Variants in KXD1 observed in about 807,000 individuals in gnomAD.
KXD1 encodes kxDL motif-containing protein 1.
KXD1 carries 5 observed loss-of-function variants against 12.1 expected under a neutral mutation model. The observed-to-expected ratio is 0.41, with a 90% CI of 0.22 to 0.87. The LOEUF (loss-of-function observed/expected upper bound fraction) is 0.87. KXD1 is among the 40% of genes least tolerant of loss of function. KXD1 has a pLI of 0.31. For missense variants in KXD1, 193 were observed against 244.9 expected, an observed-to-expected ratio of 0.79 and a Z score of 1.41; for synonymous variants, 98 against 100.5, an observed-to-expected ratio of 0.98 and a Z score of 0.15.
chr19:18,560,000 CCCTCCCTTCCTT>C (rs1265387780), intron 1 of KXD1: 1 of 130,106 alleles, frequency 7.7e-6, no homozygotes, highest in Non-Finnish European at 1.7e-5. Context: ...TTCCCTCCCT[CCCTCCCTTCCTT>C]CCTTCTTTTC....
At position 18,568,657 on chromosome 19, in the gene KXD1, G is replaced by C; in HGVS notation, c.*26G>C. ...CCCTGCTGCCCGGTGCCTTGAGGGG[G>C]TCTCAGGGCAGCAGCATACAAGGTG... On this transcript the variant is annotated 3_prime_UTR_variant, in exon 5 of 5. Coordinates refer to ENST00000222307, the MANE Select transcript of KXD1 (RefSeq NM_024069.4). The C allele has an allele frequency of 6.4e-7, 1 of 1,556,290 alleles. No homozygotes were observed. The highest frequency in any genetic ancestry group is 8.8e-7 in the Non-Finnish European group (1 of 1,138,330).
At chr19:18,565,233 T>TG (rs1975153175) in intron 3 of KXD1, 1 of 1,228,180 alleles carries the variant, frequency 8.1e-7, no homozygotes, top group African/African-American at 1.5e-5. Flanking sequence ...AGACAGAGTT[T>TG]TTTTTTTTTT....
chr19:18,569,049 C>T lies in KXD1; in HGVS notation c.*418C>T. 4.7e-6 allele frequency: 1 copy of T among 214,286 alleles called. No homozygotes were observed. Among genetic ancestry groups the T allele is most frequent in the South Asian group, 8.0e-5 (1 of 12,516 alleles). 13.3% of individuals were successfully genotyped at this position (214,286 alleles called of 1,614,324 possible). A position where few individuals can be genotyped will look rare whatever the true frequency, so the allele number is the denominator to read the frequency against. On this transcript the variant is annotated 3_prime_UTR_variant, in exon 5 of 5. Coordinates refer to ENST00000222307, the MANE Select transcript of KXD1 (RefSeq NM_024069.4). ...CGGTCTCCTCTGAGTTCACCCCAGC[C>T]CACCCCCGCACCCACTAATTCTGCT...
intron 3 of KXD1, 50 bp downstream of exon 3, chr19:18,565,071 C>T (rs1223165235): frequency 3.2e-6 from 5 of 1,586,672 alleles, no homozygotes; most frequent in Non-Finnish European, 4.3e-6. Flanking sequence ...CTCCACCTCC[C>T]CATCTGAGCC....
chr19:18,565,195 G>A (rs947530413), intron 3 of KXD1, 174 bp downstream of exon 3: 4 of 1,345,616 alleles, frequency 3.0e-6, no homozygotes, highest in Admixed American at 6.0e-5. Flanking sequence ...CTTGACGTAA[G>A]TTTATTTACT....
chr19:18,567,521 C>G (rs1975310215), intron 4 of KXD1, among the ~76,000 whole-genome samples: 3 of 152,208 alleles, frequency 2.0e-5, no homozygotes, highest in African/African-American at 7.2e-5. Flanking sequence ...CTTCCCTGAG[C>G]CCCAGCTTCG....
rs144861869 is a variant in KXD1 at position 18,565,326 on chromosome 19, C to T, written c.254+305C>T. On this transcript the variant is annotated intron_variant, in intron 3 of 4. Coordinates refer to ENST00000222307, the MANE Select transcript of KXD1 (RefSeq NM_024069.4). Reference sequence around the variant, plus strand: ...CTCACTGCAAGCTCCGCTTCCCGGGCTCACGCCATTCTCCTGCCTCAGTCT... The same window carrying T: ...CTCACTGCAAGCTCCGCTTCCCGGGTTCACGCCATTCTCCTGCCTCAGTCT... 1,710 of 521,940 alleles carry T rather than the reference C, an allele frequency of 3.3e-3. 24 individuals carry two copies. Among genetic ancestry groups the T allele is most frequent in the African/African-American group, 0.031 (1,564 of 49,724 alleles). The allele number at this position is 521,940 out of a possible 1,614,324, so 32.3% of individuals were successfully genotyped here.
chr19:18,567,074 C>T (rs1233723684), intron 3 of KXD1, 58 bp from the exon 4 acceptor site: 1 of 1,560,590 alleles, frequency 6.4e-7, no homozygotes, highest in African/African-American at 1.4e-5. Context: ...GTGGCCAGCA[C>T]CAGGCCCAGC....
At chr19:18,566,455 C>CAAAA (rs564291660) in intron 3 of KXD1, among the ~76,000 whole-genome samples, 1 of 116,650 alleles carries the variant, frequency 8.6e-6, no homozygotes, top group Admixed American at 8.8e-5. Context: ...GACTCCGTCT[C>CAAAA]AAAAAAAAAA....
rs1445370091 is a variant in KXD1 at position 18,560,713 on chromosome 19, TC to T, written c.-21-1322del. Among the ~76,000 whole-genome samples the T allele has an allele frequency of 5.2e-3, 474 of 90,670 alleles. 3 individuals are homozygous for T. Among genetic ancestry groups the T allele is most frequent in the African/African-American group, 0.024 (455 of 19,090 alleles). 59.5% of individuals were successfully genotyped at this position (90,670 alleles called of 152,430 possible). ...TGGTGACAGACACACCTCTACTCCT[TC>T]TTTTTTTTTTTTGAGACGGAGTCTC... On this transcript the variant is annotated intron_variant, in intron 1 of 4. Transcript: ENST00000222307.
chr19:18,561,796 T>G, intron 1 of KXD1: 1 of 316,278 alleles, frequency 3.2e-6, no homozygotes, highest in Non-Finnish European at 5.9e-6. Context: ...GGTGATGGGA[T>G]TCTAATGTGC....
chr19:18,568,336 C>A, intron 4 of KXD1, 66 bp from the exon 5 acceptor site: 1 of 1,210,084 alleles, frequency 8.3e-7, no homozygotes, highest in Non-Finnish European at 1.2e-6. Flanking sequence ...GTCACATGGA[C>A]AATAAGTCCT....
intron 3 of KXD1, among the ~76,000 whole-genome samples, chr19:18,566,362 G>A (rs2145250790): frequency 6.7e-6 from 1 of 150,372 alleles, no homozygotes; most frequent in South Asian, 2.1e-4. Flanking sequence ...CAGCTACTCG[G>A]GAGGCTGAGG....
chr19:18,566,518 C>T (rs960495751), intron 3 of KXD1, among the ~76,000 whole-genome samples: 1 of 150,280 alleles, frequency 6.7e-6, no homozygotes, highest in African/African-American at 2.4e-5. Flanking sequence ...TGGCTGGGCA[C>T]AGTGGCTCAT....
chr19:18,565,621 C>G (rs572228461), intron 3 of KXD1, among the ~76,000 whole-genome samples: 1 of 152,350 alleles, frequency 6.6e-6, no homozygotes, highest in Non-Finnish European at 1.5e-5. Flanking sequence ...TCAAGCGATT[C>G]TTGTGCTTCA....
rs528270045 is a variant in KXD1 at position 18,565,467 on chromosome 19, C to T, written c.254+446C>T. On this transcript the variant is annotated intron_variant, in intron 3 of 4. Coordinates refer to ENST00000222307, the MANE Select transcript of KXD1 (RefSeq NM_024069.4). ...CAGGATGGTCTCGATCTCCTGACCT[C>T]GTGATCCAGCCGCCTTGGCCTCCCA... Among the ~76,000 whole-genome samples, 13 of 152,200 alleles carry T rather than the reference C, an allele frequency of 8.5e-5. No individual in the cohort carries two copies. In the South Asian group the frequency reaches 1.7e-3, roughly 19 times the overall value.
At chr19:18,561,964 G>A in intron 1 of KXD1, 72 bp from the exon 2 acceptor site, 1 of 977,306 alleles carries the variant, frequency 1.0e-6, no homozygotes, top group African/African-American at 1.7e-5. Flanking sequence ...GCACATGGCG[G>A]TCCCGGCCTG....
intron 4 of KXD1, among the ~76,000 whole-genome samples, 193 bp from the exon 5 acceptor site, chr19:18,568,209 G>A (rs1209163846): frequency 6.6e-6 from 1 of 150,914 alleles, no homozygotes. Flanking sequence ...GGAGGTTGCA[G>A]TGAGCCGAGA....
At chr19:18,567,297 T>G (rs1975295221) in intron 4 of KXD1, 119 bp downstream of exon 4, 1 of 985,530 alleles carries the variant, frequency 1.0e-6, no homozygotes, top group Non-Finnish European at 1.6e-6. Context: ...GCAGTGGGTC[T>G]GGGGAAACCT....
Sources: allele counts gnomAD v4.1 joint callset (sites outside exome capture counted in the v4.1 genomes callset), GRCh38; gene constraint gnomAD v4.1.1; transcripts MANE v1.5; gene names NCBI Gene and HGNC (gene_info 2026-07-23, HGNC 2026-07-21).